The following PDE10A variants were observed in gnomAD, a reference collection of about 807,000 sequenced individuals.
PDE10A encodes the protein cAMP and cAMP-inhibited cGMP 3',5'-cyclic phosphodiesterase 10A.
A neutral mutation model predicts 97.7 loss-of-function variants in PDE10A; 39 were observed. That is an observed-to-expected ratio of 0.40 (90% CI 0.31 to 0.52). The LOEUF is 0.52. Ranked by LOEUF, PDE10A falls within the 20% of genes least tolerant of loss-of-function variation. The pLI is 0.56. For synonymous variants in PDE10A, 371 were observed against 376.8 expected (o/e 0.98, Z 0.18); for missense variants, 731 against 1,047.8 (o/e 0.70, Z 4.17).
rs1249822621 is a variant in PDE10A at position 165,711,075 on chromosome 6, C to T, written c.-614-167507G>A. 6.6e-6 allele frequency among the ~76,000 whole-genome samples: 1 copy of T among 152,204 alleles called. No homozygotes were observed. Among genetic ancestry groups the T allele is most frequent in the South Asian group, 2.1e-4 (1 of 4,830 alleles). ...TGCTGGGTCATCGCTCATCTGCGCC[C>T]GGGGGTCTGTCCCGCTCCTCAAAGC... On this transcript the variant is annotated intron_variant, in intron 1 of 19. Coordinates refer to the PDE10A transcript ENST00000366882. This position sits in a 1 kb window ranked among gnomAD's most constrained non-coding sequence, Gnocchi z 4.5.
chr6:165,386,814 AAC>A (rs1583172578), intron 17 of PDE10A, among the ~76,000 whole-genome samples: 2 of 151,026 alleles, frequency 1.3e-5, no homozygotes, highest in East Asian at 3.9e-4. Flanking sequence ...CATTCTGGCT[AAC>A]ACAATGAAAC....
At chr6:165,623,750 C>T (rs184056962) in intron 1 of PDE10A, among the ~76,000 whole-genome samples, 1,656 of 150,362 alleles carry the variant, frequency 0.011, 19 homozygotes, top group Admixed American at 0.026. Flanking sequence ...GGCATTCACC[C>T]CTGACCAATA....
At position 165,330,867 on chromosome 6, in the gene PDE10A, T is replaced by A. The variant is rs1436361928; in HGVS notation, c.*2158A>T. The A allele has an allele frequency of 6.6e-6, 1 of 152,214 alleles. No homozygotes were observed. Among genetic ancestry groups the A allele is most frequent in the Non-Finnish European group, 1.5e-5 (1 of 68,022 alleles). 9.4% of individuals were successfully genotyped at this position (152,214 alleles called of 1,614,324 possible). On this transcript the variant is annotated 3_prime_UTR_variant, in exon 22 of 22. Coordinates refer to ENST00000539869, the MANE Select transcript of PDE10A (RefSeq NM_001385079.1). The stretch of plus-strand genomic sequence containing the variant: ...AATGAGATAACTAAACTAACTTTTG[T>A]GACTAAAGCTGTGTTTGGTAGACTC...
At chr6:165,666,581 A>T (rs990788909), upstream of PDE10A, among the ~76,000 whole-genome samples, 1 of 152,142 alleles carries the variant, frequency 6.6e-6, no homozygotes. Flanking sequence ...CTAATAGGAT[A>T]CTTTATTTAC....
At chr6:165,372,344 A>G (rs908690721) in intron 18 of PDE10A, among the ~76,000 whole-genome samples, 2 of 150,046 alleles carry the variant, frequency 1.3e-5, no homozygotes, top group Non-Finnish European at 3.0e-5. Flanking sequence ...GTCTCAGCCC[A>G]AAATCTCCTT....
chr6:165,625,779 C>T (rs188832764), intron 1 of PDE10A, among the ~76,000 whole-genome samples: 16 of 152,318 alleles, frequency 1.1e-4, no homozygotes, highest in Admixed American at 7.8e-4. Flanking sequence ...TCCGCAGCCA[C>T]ATGGAACTGT....
chr6:165,831,948 G>A (rs1036854287), intron 1 of PDE10A, among the ~76,000 whole-genome samples: 2 of 151,584 alleles, frequency 1.3e-5, no homozygotes, highest in African/African-American at 4.9e-5. Context: ...TTTTGTTTTT[G>A]TGTTTTTACT....
At chr6:165,570,524 C>A (rs1173634914) in intron 1 of PDE10A, among the ~76,000 whole-genome samples, 1 of 152,156 alleles carries the variant, frequency 6.6e-6, no homozygotes, top group African/African-American at 2.4e-5. Context: ...AAGAAAACAG[C>A]GTATTTCTTT....
chr6:165,478,928 TG>T, intron 3 of PDE10A, among the ~76,000 whole-genome samples: 1 of 152,328 alleles, frequency 6.6e-6, no homozygotes, highest in South Asian at 2.1e-4. Context: ...GGATGCTACC[TG>T]GCCCCCATGC....
intron 16 of PDE10A, among the ~76,000 whole-genome samples, chr6:165,392,335 C>A (rs1209687049): frequency 6.6e-6 from 1 of 152,124 alleles, no homozygotes; most frequent in Non-Finnish European, 1.5e-5. Flanking sequence ...GGCATATAAG[C>A]AATGAATAAA....
intron 1 of PDE10A, among the ~76,000 whole-genome samples, chr6:165,629,955 T>C (rs1471047967): frequency 1.3e-5 from 2 of 152,142 alleles, no homozygotes; most frequent in Non-Finnish European, 2.9e-5. Context: ...AAAACAAGAA[T>C]AAATTGATAC....
intron 1 of PDE10A, among the ~76,000 whole-genome samples, chr6:165,967,143 C>T (rs1784534200): frequency 1.3e-5 from 2 of 152,184 alleles, no homozygotes; most frequent in African/African-American, 4.8e-5. Context: ...ATTCTCACCC[C>T]AATGCCTGTG....
At chr6:165,768,957 C>T (rs1777935450) in intron 1 of PDE10A, among the ~76,000 whole-genome samples, 1 of 152,182 alleles carries the variant, frequency 6.6e-6, no homozygotes, top group Non-Finnish European at 1.5e-5. Context: ...AATGGTAAAA[C>T]GTGCCTACTT....
At chr6:165,971,151 G>A (rs1041782880) in intron 1 of PDE10A, among the ~76,000 whole-genome samples, 4 of 147,998 alleles carry the variant, frequency 2.7e-5, no homozygotes, top group South Asian at 2.1e-4. Context: ...AAAAAAAAAA[G>A]GAAACTTCCA....
At chr6:165,360,967 T>TC (rs1439629987) in intron 18 of PDE10A, among the ~76,000 whole-genome samples, 1 of 151,994 alleles carries the variant, frequency 6.6e-6, no homozygotes, top group Admixed American at 6.6e-5. Flanking sequence ...CAATTTGCTT[T>TC]CCCCCAAAGA....
intron 1 of PDE10A, among the ~76,000 whole-genome samples, chr6:165,772,161 C>T (rs1778030217): frequency 6.6e-6 from 1 of 152,158 alleles, no homozygotes; most frequent in Non-Finnish European, 1.5e-5. Flanking sequence ...GCCCCACCGG[C>T]AAGTACAAAG....
chr6:165,484,831 C>T (rs1002605754), intron 2 of PDE10A, among the ~76,000 whole-genome samples: 1 of 152,004 alleles, frequency 6.6e-6, no homozygotes, highest in African/African-American at 2.4e-5. Flanking sequence ...TTTTATTTAC[C>T]ACTTCCATCT....
intron 1 of PDE10A, among the ~76,000 whole-genome samples, chr6:165,709,998 C>T (rs1167418311): frequency 6.6e-6 from 1 of 152,162 alleles, no homozygotes; most frequent in African/African-American, 2.4e-5. Flanking sequence ...TCCTTGCTGG[C>T]TGCATTTAGG....
rs115656648 is a variant in PDE10A at position 165,530,876 on chromosome 6, T to C, written c.994+12564A>G. On this transcript the variant is annotated intron_variant, in intron 2 of 21. Coordinates refer to ENST00000539869, the MANE Select transcript of PDE10A (RefSeq NM_001385079.1). ...GATATTTTCAAACCAAACAATACTATGAAAATTCATTCAAAATATATATTA... is the reference window on the plus strand; with the variant it reads ...GATATTTTCAAACCAAACAATACTACGAAAATTCATTCAAAATATATATTA... 8.6e-3 allele frequency among the ~76,000 whole-genome samples: 1,310 copies of C among 152,270 alleles called. 16 individuals carry two copies. Among genetic ancestry groups the C allele is most frequent in the African/African-American group, 0.03 (1,232 of 41,546 alleles).
Sources: allele counts gnomAD v4.1 joint callset (sites outside exome capture counted in the v4.1 genomes callset), GRCh38; gene constraint gnomAD v4.1.1; non-coding constraint Gnocchi (gnomAD v3.1); transcripts MANE v1.5; gene names NCBI Gene and HGNC (gene_info 2026-07-23, HGNC 2026-07-21).